SPAG1: variants seen among roughly 807,000 people sequenced by gnomAD.
The protein encoded by SPAG1 is sperm associated antigen 1, also known as sperm-associated antigen 1.
In SPAG1, 69 loss-of-function variants were observed where a neutral mutation model predicts 100.5. The ratio of observed to expected loss-of-function variants is 0.69; its 90% CI spans 0.57 to 0.84. SPAG1 has a LOEUF of 0.84. Among genes scored for constraint, SPAG1 ranks in the 40% least tolerant of loss-of-function variants. SPAG1 has a pLI of 0.00. For synonymous variants in SPAG1, 336 were observed against 411.6 expected, an observed-to-expected ratio of 0.82 and a Z score of 2.22; for missense variants, 955 against 1,133.1, an observed-to-expected ratio of 0.84 and a Z score of 2.26.
rs901149848 is a variant in SPAG1 at position 100,241,642 on chromosome 8, A to G, written c.*620A>G. 1.3e-5 allele frequency: 2 copies of G among 152,222 alleles called. No homozygotes were observed. The highest frequency in any genetic ancestry group is 2.9e-5 in the Non-Finnish European group (2 of 68,016). 9.4% of individuals were successfully genotyped at this position (152,222 alleles called of 1,614,324 possible). ...TTGCCAAAAATTTCTACCACTTTTT[A>G]CTAGATTTTAAAAAGCTACTTTCTT... On this transcript the variant is annotated 3_prime_UTR_variant, in exon 19 of 19. Transcript: ENST00000388798. The surrounding 1 kb of genome is among the most constrained non-coding windows in gnomAD (Gnocchi z 5.1).
At chr8:100,212,994 G>A (rs918885541) in intron 10 of SPAG1, 96 bp from the exon 11 acceptor site, 124 of 1,001,224 alleles carry the variant, frequency 1.2e-4, no homozygotes, top group South Asian at 1.5e-4. Flanking sequence ...CCTAGAGCCC[G>A]CCCTCCGCGT....
chr8:100,201,648 G>A (rs1031952549), intron 10 of SPAG1, among the ~76,000 whole-genome samples: 1 of 152,012 alleles, frequency 6.6e-6, no homozygotes, highest in Non-Finnish European at 1.5e-5. Flanking sequence ...GGCTATCTGA[G>A]GCTTCAGGAA....
chr8:100,222,944 C>A (rs184537491), intron 13 of SPAG1, among the ~76,000 whole-genome samples: 3 of 152,254 alleles, frequency 2.0e-5, no homozygotes, highest in African/African-American at 7.2e-5. Flanking sequence ...TCCCCCCAGC[C>A]CCTGGCAACC....
At position 100,159,672 on chromosome 8, in the gene SPAG1, A is replaced by G. The variant is rs1427007828; in HGVS notation, c.-3+1056A>G. Among the ~76,000 whole-genome samples, 5 of 152,246 alleles carry G rather than the reference A, an allele frequency of 3.3e-5. No homozygotes were observed. In the East Asian group the frequency reaches 9.6e-4, roughly 29 times the overall value. The stretch of plus-strand genomic sequence containing the variant: ...TTTCCATTTATATAGACATGAAGTA[A>G]AAGTTTGTATAAAGCAATATTTACT... On this transcript the variant is annotated intron_variant, in intron 1 of 18. Coordinates refer to ENST00000388798, the MANE Select transcript of SPAG1 (RefSeq NM_003114.5).
intron 3 of SPAG1, among the ~76,000 whole-genome samples, chr8:100,171,677 T>G (rs1815859438): frequency 6.6e-6 from 1 of 152,188 alleles, no homozygotes; most frequent in Non-Finnish European, 1.5e-5. Context: ...TCTGGGTACT[T>G]TTCCTGTGCT....
intron 12 of SPAG1, 102 bp downstream of exon 12, chr8:100,214,020 T>G: frequency 1.6e-6 from 1 of 623,872 alleles, no homozygotes; most frequent in South Asian, 2.3e-5. Context: ...ATCTAATTTC[T>G]TAAGAGCTTT....
chr8:100,211,932 C>G (rs1309183449), intron 10 of SPAG1, among the ~76,000 whole-genome samples: 1 of 152,220 alleles, frequency 6.6e-6, no homozygotes, highest in Non-Finnish European at 1.5e-5. Flanking sequence ...CCGACCCTGA[C>G]TTTTGTGCTT....
intron 16 of SPAG1, among the ~76,000 whole-genome samples, chr8:100,238,023 T>C (rs1819085233): frequency 6.6e-6 from 1 of 152,168 alleles, no homozygotes; most frequent in African/African-American, 2.4e-5. Flanking sequence ...GAAGTTAATA[T>C]TTGTAGGGCT....
intron 2 of SPAG1, among the ~76,000 whole-genome samples, chr8:100,163,492 G>T (rs1463631667): frequency 3.3e-5 from 5 of 151,078 alleles, no homozygotes; most frequent in African/African-American, 1.2e-4. Context: ...TCCTGCTTTG[G>T]CCTCCCAAAG....
At chr8:100,227,189 C>T (rs1000356457) in intron 14 of SPAG1, among the ~76,000 whole-genome samples, 2 of 152,248 alleles carry the variant, frequency 1.3e-5, no homozygotes, top group African/African-American at 4.8e-5. Flanking sequence ...CTGTGTAATG[C>T]AGGTGCTTCC....
chr8:100,216,127 C>T (rs577964170), intron 12 of SPAG1, among the ~76,000 whole-genome samples: 1 of 152,280 alleles, frequency 6.6e-6, no homozygotes, highest in South Asian at 2.1e-4. Flanking sequence ...CTTCCCACCC[C>T]TCCTTTTTTC....
chr8:100,241,103 T>C lies in SPAG1; in HGVS notation c.*81T>C. 2.0e-6 allele frequency: 3 copies of C among 1,479,228 alleles called. No homozygotes were observed. The highest frequency in any genetic ancestry group is 2.7e-6 in the Non-Finnish European group (3 of 1,093,202). The allele number at this position is 1,479,228 out of a possible 1,614,324, so 91.6% of individuals were successfully genotyped here. On this transcript the variant is annotated 3_prime_UTR_variant, in exon 19 of 19. Transcript: ENST00000388798. This position sits in a 1 kb window ranked among gnomAD's most constrained non-coding sequence, Gnocchi z 5.1. ...GAGATGGTATTGTAAAAGAGTTGCA[T>C]GGATAAAACTTGGCCTAGAAAAGTT...
intron 9 of SPAG1, among the ~76,000 whole-genome samples, chr8:100,193,480 A>C (rs754991105): frequency 3.3e-5 from 5 of 152,304 alleles, no homozygotes; most frequent in Non-Finnish European, 5.9e-5. Flanking sequence ...AACACCAACA[A>C]CAACAAAACA....
At chr8:100,225,998 GTTTT>G (rs57004927) in intron 14 of SPAG1, among the ~76,000 whole-genome samples, 17 of 132,138 alleles carry the variant, frequency 1.3e-4, no homozygotes, top group African/African-American at 3.8e-4. Flanking sequence ...ATGCCAGCTA[GTTTT>G]TTTTTTTTTT....
chr8:100,215,093 A>G (rs1253629338), intron 12 of SPAG1, among the ~76,000 whole-genome samples: 1 of 143,026 alleles, frequency 7.0e-6, no homozygotes, highest in Non-Finnish European at 1.5e-5. Flanking sequence ...CTACAGTGCT[A>G]TAGAACACTA....
Position 100,165,838 on chromosome 8 carries a change from T to C in SPAG1, c.165T>C (p.Pro55=). ...VLRSGEEGYY[P]ELTEFCEKHL... is the part of the protein sequence containing the mutation. ...GATCTGGTGAGGAAGGATATTATCC[T>C]GAACTTACAGAATTTTGTGAAAAGC... Residue 55 remains proline, a synonymous_variant, in exon 3 of 19, where the codon CCT becomes CCC. Coordinates refer to ENST00000388798, the MANE Select transcript of SPAG1 (RefSeq NM_003114.5). The C allele has an allele frequency of 6.2e-7, 1 of 1,613,832 alleles. No individual in the cohort carries two copies. The highest frequency in any genetic ancestry group is 8.5e-7 in the Non-Finnish European group (1 of 1,179,818).
At position 100,165,754 on chromosome 8, in the gene SPAG1, G is replaced by A. The variant is rs1241105136; in HGVS notation, c.141-60G>A. 2.8e-6 allele frequency: 4 copies of A among 1,428,050 alleles called. No homozygotes were observed. The African/African-American group carries it at 4.3e-5, about 15-fold the overall frequency. The allele number at this position is 1,428,050 out of a possible 1,614,324, so 88.5% of individuals were successfully genotyped here. A position where few individuals can be genotyped will look rare whatever the true frequency, so the allele number is the denominator to read the frequency against. On this transcript the variant is annotated intron_variant, in intron 2 of 18. Coordinates refer to ENST00000388798, the MANE Select transcript of SPAG1 (RefSeq NM_003114.5). ...TTCCATGGAACCCAGCCTGCAAACC[G>A]CTGGTCTAGATGATCCTAAATAAGG...
intron 14 of SPAG1, among the ~76,000 whole-genome samples, chr8:100,226,558 G>T (rs1174001542): frequency 1.3e-5 from 2 of 152,090 alleles, no homozygotes; most frequent in Admixed American, 1.3e-4. Context: ...AGAAGAATTA[G>T]CCAAGCGTGG....
At chr8:100,223,074 C>A (rs573616359) in intron 13 of SPAG1, among the ~76,000 whole-genome samples, 2 of 152,310 alleles carry the variant, frequency 1.3e-5, no homozygotes, top group East Asian at 3.9e-4. Context: ...GGTTCATCCA[C>A]GGCATAGCAT....
Sources: allele counts gnomAD v4.1 joint callset (sites outside exome capture counted in the v4.1 genomes callset), GRCh38; gene constraint gnomAD v4.1.1; non-coding constraint Gnocchi (gnomAD v3.1); transcripts MANE v1.5; gene names NCBI Gene and HGNC (gene_info 2026-07-23, HGNC 2026-07-21).